WDR48: variants seen among roughly 807,000 people sequenced by gnomAD.
WDR48 encodes the protein WD repeat domain 48, also known as WD repeat-containing protein 48.
A neutral mutation model predicts 94.0 loss-of-function variants in WDR48; 22 were observed. The ratio of observed to expected loss-of-function variants is 0.23; its 90% CI spans 0.17 to 0.33. The LOEUF is 0.33. Among genes scored for constraint, WDR48 ranks in the 10% least tolerant of loss-of-function variants. The probability of loss-of-function intolerance (pLI) is 1.00; values close to 1 mark genes in which losing one functional copy is unlikely to be tolerated. For synonymous variants in WDR48, 278 were observed against 280.5 expected, an observed-to-expected ratio of 0.99 and a Z score of 0.09; for missense variants, 541 against 813.8, an observed-to-expected ratio of 0.66 and a Z score of 4.08.
rs1575419507 is a variant in WDR48 at position 39,078,106 on chromosome 3, CATG to C, written c.973-28_973-26del. 13 of 1,522,068 alleles carry C rather than the reference CATG, an allele frequency of 8.5e-6. No individual in the cohort carries two copies. In the African/African-American group the frequency reaches 9.7e-5, roughly 11 times the overall value. The allele number at this position is 1,522,068 out of a possible 1,614,324, so 94.3% of individuals were successfully genotyped here. ...GGCTGGCAAAGCTTGTAGAGCATAACATGATCAAATAACAAATTTTGTAATTTT... is the reference window on the plus strand; with the variant it reads ...GGCTGGCAAAGCTTGTAGAGCATAACATCAAATAACAAATTTTGTAATTTT... On this transcript the variant is annotated intron_variant, in intron 9 of 18. Coordinates refer to ENST00000302313, the MANE Select transcript of WDR48 (RefSeq NM_020839.4).
At chr3:39,079,149 G>A (rs1400202170) in intron 10 of WDR48, among the ~76,000 whole-genome samples, 1 of 152,112 alleles carries the variant, frequency 6.6e-6, no homozygotes, top group Admixed American at 6.5e-5. Flanking sequence ...AAATACATAG[G>A]ATTTAATATT....
chr3:39,060,286 T>C (rs1396557788), intron 1 of WDR48, among the ~76,000 whole-genome samples: 3 of 152,180 alleles, frequency 2.0e-5, no homozygotes, highest in Non-Finnish European at 2.9e-5. Context: ...TGTGGATTTG[T>C]CTATCCTAGA....
chr3:39,085,855 T>A (rs2034783700), intron 14 of WDR48, among the ~76,000 whole-genome samples: 1 of 52,338 alleles, frequency 1.9e-5, no homozygotes, highest in Non-Finnish European at 3.0e-5. Flanking sequence ...TAAAATACTC[T>A]ATATTCAGAT....
At position 39,075,402 on chromosome 3, in the gene WDR48, G is replaced by C. The variant is rs61039893; in HGVS notation, c.897+452G>C. 7.8e-3 allele frequency among the ~76,000 whole-genome samples: 1,182 copies of C among 152,212 alleles called. 11 individuals carry two copies. Among genetic ancestry groups the C allele is most frequent in the African/African-American group, 0.023 (938 of 41,526 alleles). On this transcript the variant is annotated intron_variant, in intron 8 of 18. Transcript: ENST00000302313. The stretch of plus-strand genomic sequence containing the variant: ...TTATCTGTGAGCAGACAACAAAGCA[G>C]AGGAAGGTCAGGAAATGTGTCCATG...
At chr3:39,087,282 T>A (rs1459313992) in intron 14 of WDR48, among the ~76,000 whole-genome samples, 2 of 152,228 alleles carry the variant, frequency 1.3e-5, no homozygotes, top group African/African-American at 4.8e-5. Flanking sequence ...GGCTCACACC[T>A]GTAATCCCAG....
intron 1 of WDR48, among the ~76,000 whole-genome samples, chr3:39,057,039 G>A (rs922104649): frequency 6.6e-6 from 1 of 151,972 alleles, no homozygotes; most frequent in African/African-American, 2.4e-5. Flanking sequence ...TTAAAGTGGA[G>A]AAAACCATTG....
intron 11 of WDR48, 147 bp from the exon 12 acceptor site, chr3:39,084,008 T>A (rs2034673792): frequency 1.9e-6 from 1 of 520,940 alleles, no homozygotes; most frequent in Non-Finnish European, 3.2e-6. Flanking sequence ...ATTGTTATTT[T>A]AAAAAAGGAC....
At chr3:39,086,958 A>T (rs2034837377) in intron 14 of WDR48, among the ~76,000 whole-genome samples, 1 of 152,118 alleles carries the variant, frequency 6.6e-6, no homozygotes, top group African/African-American at 2.4e-5. Flanking sequence ...AGTTGTTCAG[A>T]TGGTGCTTGG....
intron 1 of WDR48, among the ~76,000 whole-genome samples, chr3:39,053,759 A>T (rs1003521032): frequency 6.6e-6 from 1 of 152,236 alleles, no homozygotes; most frequent in Non-Finnish European, 1.5e-5. Context: ...AAAAAGACTT[A>T]CAAGGCAATT....
intron 8 of WDR48, 131 bp downstream of exon 8, chr3:39,075,081 TC>T: frequency 1.1e-6 from 1 of 876,714 alleles, no homozygotes; most frequent in Non-Finnish European, 1.7e-6. Flanking sequence ...AAAAAGATAT[TC>T]CATCATGAGC....
At chr3:39,077,068 A>C in intron 8 of WDR48, 71 bp from the exon 9 acceptor site, 3 of 1,542,384 alleles carry the variant, frequency 1.9e-6, no homozygotes, top group Non-Finnish European at 2.7e-6. Flanking sequence ...TGATATTAAT[A>C]ACATATCTAG....
chr3:39,094,049 C>T lies in WDR48; in HGVS notation c.1921C>T (p.Leu641Phe). ...TGTGTTGGCAGAGGAGAAAATTGAA[C>T]TTTTGTGCCAGGACCAGGTAAGTGG... ...IAVLAEEKIE[L>F]LCQDQVLDPN... Residue 641 changes from leucine to phenylalanine, a missense_variant, in exon 18 of 19, where the codon CTT (leucine) becomes TTT (phenylalanine). By Grantham distance (22) the Leu-to-Phe change is conservative. Coordinates refer to ENST00000302313, the MANE Select transcript of WDR48 (RefSeq NM_020839.4). The T allele has an allele frequency of 1.2e-6, 2 of 1,611,774 alleles. No homozygotes were observed. Among genetic ancestry groups the T allele is most frequent in the Non-Finnish European group, 1.7e-6 (2 of 1,179,388 alleles).
chr3:39,087,863 GT>G, intron 14 of WDR48: 1 of 372,882 alleles, frequency 2.7e-6, no homozygotes, highest in East Asian at 5.3e-5. Context: ...AGCTGGTTAT[GT>G]TTTTGTTCTG....
At position 39,066,773 on chromosome 3, in the gene WDR48, A is replaced by C; in HGVS notation, c.379A>C (p.Lys127Gln). The change falls in exon 5 of 19, where the codon AAG becomes CAG. Residue 127 changes from lysine (K) to glutamine (Q), a missense_variant. Physicochemically the swap from Lys to Gln is moderately conservative, Grantham distance 53. Transcript: ENST00000302313. Reference protein sequence around the residue: ...KDYVKALAYAKDKELVASAGL... With the variant: ...KDYVKALAYAQDKELVASAGL... Reference sequence around the variant, plus strand: ...TTACGTAAAGGCCTTAGCATATGCCAAGGATAAAGAACTAGTAGCATCAGC... The same window carrying C: ...TTACGTAAAGGCCTTAGCATATGCCCAGGATAAAGAACTAGTAGCATCAGC... The C allele has an allele frequency of 6.2e-7, 1 of 1,614,040 alleles. No individual in the cohort carries two copies. Among genetic ancestry groups the C allele is most frequent in the Non-Finnish European group, 8.5e-7 (1 of 1,179,920 alleles).
intron 7 of WDR48, among the ~76,000 whole-genome samples, chr3:39,074,421 C>A (rs984340531): frequency 6.6e-6 from 1 of 152,168 alleles, no homozygotes; most frequent in Non-Finnish European, 1.5e-5. Context: ...ATCAACAGAA[C>A]AACCGTAACT....
chr3:39,084,458 GTTACAAAA>G (rs574095336), intron 12 of WDR48, among the ~76,000 whole-genome samples, 179 bp from the exon 13 acceptor site: 53 of 152,106 alleles, frequency 3.5e-4, no homozygotes, highest in Middle Eastern at 6.8e-3. Flanking sequence ...AAATTTAAAA[GTTACAAAA>G]TGCCTTTGGT....
At chr3:39,063,370 A>G (rs1175054619) in intron 2 of WDR48, among the ~76,000 whole-genome samples, 180 bp downstream of exon 2, 1 of 152,204 alleles carries the variant, frequency 6.6e-6, no homozygotes, top group Non-Finnish European at 1.5e-5. Flanking sequence ...TCCCTAGGAA[A>G]GTTTCAGAAG....
At position 39,095,651 on chromosome 3, in the gene WDR48, A is replaced by G. The variant is rs1300145471; in HGVS notation, c.*908A>G. On this transcript the variant is annotated 3_prime_UTR_variant, in exon 19 of 19. Transcript: ENST00000302313. ...CCTAAAATTTATGGTGTCAGAATAA[A>G]GGGAGATCATAGTGAGTTAATTTGA... 2.6e-5 allele frequency: 4 copies of G among 152,286 alleles called. No individual in the cohort carries two copies. The highest frequency in any genetic ancestry group is 7.2e-5 in the African/African-American group (3 of 41,476). 9.4% of individuals were successfully genotyped at this position (152,286 alleles called of 1,614,324 possible).
chr3:39,089,149 G>T, intron 15 of WDR48, 82 bp from the exon 16 acceptor site: 1 of 1,268,512 alleles, frequency 7.9e-7, no homozygotes, highest in Non-Finnish European at 1.1e-6. Context: ...AACCATGAGG[G>T]TTCCTCCCGC....
Sources: allele counts gnomAD v4.1 joint callset (sites outside exome capture counted in the v4.1 genomes callset), GRCh38; gene constraint gnomAD v4.1.1; transcripts MANE v1.5; gene names NCBI Gene and HGNC (gene_info 2026-07-23, HGNC 2026-07-21).